The following RGS12 variants were observed in gnomAD, a reference collection of about 807,000 sequenced individuals.
RGS12 encodes regulator of G protein signaling 12.
Under a neutral mutation model 120.1 loss-of-function variants are expected in RGS12, and 66 were observed. That is an observed-to-expected ratio of 0.55 (90% CI 0.45 to 0.67). The LOEUF is 0.67. Ranked by LOEUF, RGS12 falls within the 30% of genes least tolerant of loss-of-function variation. The probability of loss-of-function intolerance (pLI) is 0.00; values close to 1 mark genes in which losing one functional copy is unlikely to be tolerated. For synonymous variants in RGS12, 827 were observed against 804.7 expected, an observed-to-expected ratio of 1.03 and a Z score of -0.47; for missense variants, 1,859 against 1,957.7, an observed-to-expected ratio of 0.95 and a Z score of 0.95.
chr4:3,396,316 T>A (rs1001230856), intron 4 of RGS12, among the ~76,000 whole-genome samples: 6 of 152,248 alleles, frequency 3.9e-5, no homozygotes, highest in African/African-American at 1.4e-4. Flanking sequence ...ATAATCCAGT[T>A]TATCATTTTT....
intron 2 of RGS12, among the ~76,000 whole-genome samples, chr4:3,339,471 A>G (rs1247129379): frequency 1.3e-5 from 2 of 152,040 alleles, no homozygotes; most frequent in Non-Finnish European, 2.9e-5. Flanking sequence ...ACAGAGTGAG[A>G]TCCTGTCTCA....
chr4:3,425,416 C>G, intron 13 of RGS12, 48 bp from the exon 14 acceptor site: 1 of 1,522,352 alleles, frequency 6.6e-7, no homozygotes, highest in South Asian at 1.1e-5. Flanking sequence ...CATCTGTTCC[C>G]TGAAGTTCCA....
chr4:3,352,752 T>C (rs1714483732), intron 3 of RGS12, among the ~76,000 whole-genome samples: 1 of 152,220 alleles, frequency 6.6e-6, no homozygotes, highest in South Asian at 2.1e-4. Flanking sequence ...GTTTGGCCTT[T>C]GTGCAAGGTT....
intron 2 of RGS12, among the ~76,000 whole-genome samples, chr4:3,334,959 G>A (rs1712282022): frequency 6.6e-6 from 1 of 152,008 alleles, no homozygotes. Flanking sequence ...CTTGCCTTAT[G>A]TTTTGTTTTG....
intron 2 of RGS12, among the ~76,000 whole-genome samples, chr4:3,334,601 T>C (rs1457103055): frequency 6.6e-6 from 1 of 152,092 alleles, no homozygotes; most frequent in Non-Finnish European, 1.5e-5. Context: ...TTTCTTCTCC[T>C]TTTCCTCGTA....
At chr4:3,338,757 G>A (rs772903951) in intron 2 of RGS12, among the ~76,000 whole-genome samples, 1 of 152,218 alleles carries the variant, frequency 6.6e-6, no homozygotes, top group African/African-American at 2.4e-5. Context: ...TCAGACAGTC[G>A]TGAGGAGTCT....
chr4:3,315,443 A>G (rs995867123), intron 1 of RGS12, among the ~76,000 whole-genome samples: 5 of 152,330 alleles, frequency 3.3e-5, no homozygotes, highest in Non-Finnish European at 7.3e-5. Flanking sequence ...TGGCCTCTGC[A>G]GTATTGATCG....
chr4:3,360,614 G>C (rs1009435568), intron 3 of RGS12, among the ~76,000 whole-genome samples: 3 of 152,032 alleles, frequency 2.0e-5, no homozygotes, highest in Admixed American at 6.6e-5. Context: ...CCTTATGAAG[G>C]GCAAAAGAAA....
the RGS12 span, among the ~76,000 whole-genome samples, chr4:3,287,507 C>T: frequency 6.6e-6 from 1 of 152,242 alleles, no homozygotes; most frequent in African/African-American, 2.4e-5. Context: ...TGGCCAAGCC[C>T]TTCCTGATTC....
At chr4:3,297,011 G>A (rs945114618) in intron 1 of RGS12, among the ~76,000 whole-genome samples, 1 of 152,246 alleles carries the variant, frequency 6.6e-6, no homozygotes, top group Non-Finnish European at 1.5e-5. Context: ...CCATGAAGGA[G>A]CCTCTTGCCT....
intron 1 of RGS12, among the ~76,000 whole-genome samples, chr4:3,308,951 G>A (rs971623102): frequency 1.4e-4 from 21 of 152,268 alleles, no homozygotes; most frequent in African/African-American, 7.2e-5. Flanking sequence ...AGTCCCAGAC[G>A]CGGTCGGCAC....
intron 17 of RGS12, among the ~76,000 whole-genome samples, chr4:3,436,899 C>T (rs565416907): frequency 1.4e-4 from 22 of 151,956 alleles, no homozygotes; most frequent in East Asian, 3.9e-4. Flanking sequence ...CGTGGGGCGC[C>T]GGGGAGAGGT....
intron 3 of RGS12, among the ~76,000 whole-genome samples, chr4:3,383,727 G>GT (rs1718513362): frequency 6.6e-6 from 1 of 152,176 alleles, no homozygotes; most frequent in African/African-American, 2.4e-5. Context: ...TCCGTGCACT[G>GT]TCTTAGAGCC....
At chr4:3,345,594 G>T (rs1713714632) in intron 3 of RGS12, among the ~76,000 whole-genome samples, 1 of 152,204 alleles carries the variant, frequency 6.6e-6, no homozygotes, top group Non-Finnish European at 1.5e-5. Flanking sequence ...AGGGAGGTGT[G>T]GAGGGAGTGG....
intron 1 of RGS12, among the ~76,000 whole-genome samples, chr4:3,294,313 A>G (rs1318842313): frequency 1.3e-5 from 2 of 152,204 alleles, no homozygotes; most frequent in Admixed American, 6.5e-5. Flanking sequence ...CAAGGAGACT[A>G]CCAAGGAGGG....
At chr4:3,308,100 G>T (rs566020707) in intron 1 of RGS12, among the ~76,000 whole-genome samples, 1 of 152,228 alleles carries the variant, frequency 6.6e-6, no homozygotes, top group Non-Finnish European at 1.5e-5. Flanking sequence ...GCAGCTCTGG[G>T]CCCAGGGGCC....
chr4:3,322,610 A>T (rs1245292945), intron 2 of RGS12, among the ~76,000 whole-genome samples: 1 of 152,244 alleles, frequency 6.6e-6, no homozygotes, highest in African/African-American at 2.4e-5. Context: ...ATTAATTAAA[A>T]TACCTGGTTA....
chr4:3,395,838 G>A (rs75671251), intron 4 of RGS12, among the ~76,000 whole-genome samples: 1,605 of 152,126 alleles, frequency 0.011, 32 homozygotes, highest in African/African-American at 0.036. Context: ...GTGGATTTAC[G>A]TATAGTTTTC....
At chr4:3,397,177 A>G (rs960030538) in intron 4 of RGS12, among the ~76,000 whole-genome samples, 9 of 152,222 alleles carry the variant, frequency 5.9e-5, no homozygotes, top group African/African-American at 1.9e-4. Flanking sequence ...CCTGGGACAC[A>G]CAAGACCTTG....
Sources: allele counts gnomAD v4.1 joint callset (sites outside exome capture counted in the v4.1 genomes callset), GRCh38; gene constraint gnomAD v4.1.1; transcripts MANE v1.5; gene names NCBI Gene and HGNC (gene_info 2026-07-23, HGNC 2026-07-21).